ZBBX: variants seen among roughly 807,000 people sequenced by gnomAD.
The protein encoded by ZBBX is zinc finger B-box domain containing, also known as zinc finger B-box domain-containing protein 1.
Under a neutral mutation model 108.5 loss-of-function variants are expected in ZBBX, and 101 were observed. That is an observed-to-expected ratio of 0.93 (90% CI 0.79 to 1.10). ZBBX has a LOEUF of 1.10. Among genes scored for constraint, ZBBX ranks in the 50% least tolerant of loss-of-function variants. The pLI, the probability that ZBBX is intolerant of heterozygous loss-of-function variation, is 0.00. For missense variants in ZBBX, 1,009 were observed against 941.4 expected (o/e 1.07, Z -0.94); for synonymous variants, 356 against 323.4 (o/e 1.10, Z -1.08).
intron 21 of ZBBX, 111 bp downstream of exon 21, chr3:167,242,394 A>G (rs535959252): frequency 7.2e-4 from 640 of 888,282 alleles, no homozygotes; most frequent in Non-Finnish European, 9.9e-4. Flanking sequence ...ATGATCATAT[A>G]AAGTATACAC....
intron 1 of ZBBX, among the ~76,000 whole-genome samples, chr3:167,403,859 T>C (rs1472306334): frequency 6.6e-6 from 1 of 151,914 alleles, no homozygotes. Flanking sequence ...TTTAAACTAA[T>C]ACTAGATTAA....
chr3:167,368,737 C>T, intron 4 of ZBBX, 163 bp from the exon 5 acceptor site: 6 of 1,272,928 alleles, frequency 4.7e-6, no homozygotes, highest in Non-Finnish European at 5.9e-6. Context: ...TTAGCATTTG[C>T]CTTCCATCAA....
intron 6 of ZBBX, 63 bp from the exon 7 acceptor site, chr3:167,360,786 A>C: frequency 9.7e-7 from 1 of 1,032,534 alleles, no homozygotes; most frequent in Non-Finnish European, 1.3e-6. Flanking sequence ...GAAAGTTGCC[A>C]ACAAAAATAT....
the ZBBX span, among the ~76,000 whole-genome samples, chr3:167,216,439 G>A: frequency 6.6e-6 from 1 of 151,682 alleles, no homozygotes; most frequent in Admixed American, 6.6e-5. Flanking sequence ...TCTTTACAAT[G>A]AGAATTACAA....
the ZBBX span, among the ~76,000 whole-genome samples, chr3:167,199,356 A>G: frequency 2.0e-5 from 3 of 152,164 alleles, no homozygotes; most frequent in Non-Finnish European, 2.9e-5. Context: ...GCATCTGGGG[A>G]ATACTTTAGG....
At chr3:167,289,710 T>G (rs549875137) in intron 18 of ZBBX, among the ~76,000 whole-genome samples, 1 of 152,246 alleles carries the variant, frequency 6.6e-6, no homozygotes, top group South Asian at 2.1e-4. Context: ...AGGAGTTTAT[T>G]TCTCATACCC....
intron 16 of ZBBX, among the ~76,000 whole-genome samples, chr3:167,307,846 AAAAC>A: frequency 6.6e-6 from 1 of 152,202 alleles, no homozygotes; most frequent in South Asian, 2.1e-4. Flanking sequence ...TGTAAATCCC[AAAAC>A]TATGAAAACC....
chr3:167,237,085 T>G (rs1414295156), downstream of ZBBX, among the ~76,000 whole-genome samples: 2 of 151,726 alleles, frequency 1.3e-5, no homozygotes, highest in African/African-American at 4.8e-5. Flanking sequence ...AATCAAGATA[T>G]TATTTAAAAT....
At chr3:167,193,955 T>C in the ZBBX span, among the ~76,000 whole-genome samples, 1 of 152,036 alleles carries the variant, frequency 6.6e-6, no homozygotes, top group African/African-American at 2.4e-5. Flanking sequence ...AATAGATTAA[T>C]GGTTGCCAGA....
chr3:167,377,532 G>A (rs944694571), intron 2 of ZBBX, among the ~76,000 whole-genome samples: 2 of 152,126 alleles, frequency 1.3e-5, no homozygotes, highest in African/African-American at 4.8e-5. Flanking sequence ...GAATTAACAT[G>A]TTTAGGCATT....
chr3:167,328,470 C>G (rs909300857), intron 10 of ZBBX, among the ~76,000 whole-genome samples: 3 of 139,384 alleles, frequency 2.2e-5, no homozygotes, highest in African/African-American at 7.6e-5. Context: ...CCGCAACCTT[C>G]TCATATCAAA....
intron 20 of ZBBX, chr3:167,252,131 G>A (rs1722730253): frequency 1.6e-6 from 2 of 1,287,270 alleles, no homozygotes; most frequent in South Asian, 1.2e-5. Context: ...TTTACCTAAT[G>A]TAGTTATTTT....
At position 167,282,430 on chromosome 3, in the gene ZBBX, T is replaced by A. The variant is rs753541301; in HGVS notation, c.2062A>T (p.Ser688Cys). ...PLSNSVKESS[S>C]CLSSSHPRSR... ...CGAGGATGAGAGGATGAAAGGCAAC[T>A]GGAGCTTTCTTTAACAGAGTTGGAA... The change falls in exon 20 of 22, where the codon AGT becomes TGT. Residue 688 changes from serine to cysteine, a missense_variant. Transcript: ENST00000675490. 2.5e-6 allele frequency: 4 copies of A among 1,614,074 alleles called. No homozygotes were observed. In the East Asian group the frequency reaches 8.9e-5, roughly 36 times the overall value.
chr3:167,368,681 AT>A, intron 4 of ZBBX, 107 bp from the exon 5 acceptor site: 1 of 1,296,452 alleles, frequency 7.7e-7, no homozygotes. Flanking sequence ...TAAATAAAAT[AT>A]TTTACCTATT....
chr3:167,309,059 C>T (rs1301003430), intron 16 of ZBBX, among the ~76,000 whole-genome samples: 1 of 152,124 alleles, frequency 6.6e-6, no homozygotes, highest in Admixed American at 6.5e-5. Flanking sequence ...CCAGAAGTTG[C>T]CACCCCTTTT....
At chr3:167,251,459 G>A (rs1722590544) in intron 20 of ZBBX, among the ~76,000 whole-genome samples, 1 of 152,150 alleles carries the variant, frequency 6.6e-6, no homozygotes, top group Non-Finnish European at 1.5e-5. Context: ...GAGCCCCACA[G>A]TCAGCCTGTC....
At chr3:167,271,849 T>A (rs1173207760) in intron 20 of ZBBX, among the ~76,000 whole-genome samples, 2 of 152,178 alleles carry the variant, frequency 1.3e-5, no homozygotes, top group Non-Finnish European at 2.9e-5. Context: ...ACTCACTGGA[T>A]CGAAGCTATT....
chr3:167,344,280 C>T (rs1741062145), intron 9 of ZBBX, among the ~76,000 whole-genome samples: 1 of 151,716 alleles, frequency 6.6e-6, no homozygotes. Flanking sequence ...GTTCTAAAGT[C>T]AATTATGCTA....
At chr3:167,207,155 C>T in the ZBBX span, among the ~76,000 whole-genome samples, 1 of 152,072 alleles carries the variant, frequency 6.6e-6, no homozygotes, top group East Asian at 1.9e-4. Flanking sequence ...ATCTGCACAG[C>T]AAAGGAGACA....
Sources: allele counts gnomAD v4.1 joint callset (sites outside exome capture counted in the v4.1 genomes callset), GRCh38; gene constraint gnomAD v4.1.1; transcripts MANE v1.5; gene names NCBI Gene and HGNC (gene_info 2026-07-23, HGNC 2026-07-21).